The following C1orf226 variants were observed in gnomAD, a reference collection of about 807,000 sequenced individuals.
C1orf226 encodes the protein chromosome 1 open reading frame 226.
C1orf226 carries 4 observed loss-of-function variants against 10.5 expected under a neutral mutation model. The observed-to-expected ratio is 0.38, with a 90% CI of 0.19 to 0.87. The LOEUF is 0.87. C1orf226 is among the 40% of genes least tolerant of loss of function. The pLI is 0.41. For missense variants in C1orf226, 313 were observed against 336.2 expected (o/e 0.93, Z 0.54); for synonymous variants, 125 against 139.3 (o/e 0.90, Z 0.72).
rs750054712 is a variant in C1orf226 at position 162,381,868 on chromosome 1, C to T, written c.-34C>T. 6 of 1,608,632 alleles carry T rather than the reference C, an allele frequency of 3.7e-6. No individual in the cohort carries two copies. In the African/African-American group the frequency reaches 8.0e-5, roughly 22 times the overall value. On this transcript the variant is annotated 5_prime_UTR_variant, in exon 1 of 2. Transcript: ENST00000458626. ...CCGCTCCCCTTTCCTCATCATGCCTCTCTGTCGCCTCTTTGTTCATAGTTG... is the reference window on the plus strand; with the variant it reads ...CCGCTCCCCTTTCCTCATCATGCCTTTCTGTCGCCTCTTTGTTCATAGTTG...
In C1orf226 at chr1:162,382,114, C is replaced by T. The variant is rs1485838524; in HGVS notation, c.213C>T (p.Pro71=). 1.3e-6 allele frequency: 2 copies of T among 1,590,244 alleles called. No individual in the cohort carries two copies. The highest frequency in any genetic ancestry group is 1.3e-5 in the African/African-American group (1 of 74,420). ...ATGACTTCCTGAGGAGAAAGGAGCC[C>T]TCCAGCCTGGGCAGTGTGGGTGTGA... is the stretch of plus-strand genomic sequence containing the variant. ...KVNDFLRRKE[P]SSLGSVGVTE... Residue 71 remains proline (P), a synonymous_variant, in exon 1 of 2, where the codon CCC becomes CCT. Coordinates refer to ENST00000458626, the MANE Select transcript of C1orf226 (RefSeq NM_001085375.2).
intron 1 of C1orf226, among the ~76,000 whole-genome samples, chr1:162,382,898 G>C (rs1004696596): frequency 5.3e-5 from 8 of 152,194 alleles, no homozygotes; most frequent in African/African-American, 1.9e-4. Context: ...TACTGCCTGG[G>C]TTCTGATTTG....
Position 162,384,020 on chromosome 1 carries a change from T to C in C1orf226, c.*337T>C, listed in dbSNP as rs756206369. Reference sequence around the variant, plus strand: ...CTCAGTGAATTGCAGGGCCACCAGCTCAGGACAATGGATCTTACAGGAATT... The same window carrying C: ...CTCAGTGAATTGCAGGGCCACCAGCCCAGGACAATGGATCTTACAGGAATT... On this transcript the variant is annotated 3_prime_UTR_variant, in exon 2 of 2. Coordinates refer to ENST00000458626, the MANE Select transcript of C1orf226 (RefSeq NM_001085375.2). 1.0e-4 allele frequency: 30 copies of C among 296,342 alleles called. No individual in the cohort carries two copies. Among genetic ancestry groups the C allele is most frequent in the Middle Eastern group, 1.9e-3 (2 of 1,026 alleles). 18.4% of individuals were successfully genotyped at this position (296,342 alleles called of 1,614,324 possible). A position where few individuals can be genotyped will look rare whatever the true frequency, so the allele number is the denominator to read the frequency against.
At chr1:162,379,510 C>T (rs1029687532), upstream of C1orf226, among the ~76,000 whole-genome samples, 27 of 152,302 alleles carry the variant, frequency 1.8e-4, no homozygotes, top group African/African-American at 4.3e-4. Flanking sequence ...TGCCTACTAT[C>T]GTGCAAGACC....
At chr1:162,380,858 TA>T (rs1647882093), upstream of C1orf226, among the ~76,000 whole-genome samples, 1 of 152,180 alleles carries the variant, frequency 6.6e-6, no homozygotes, top group Non-Finnish European at 1.5e-5. Flanking sequence ...TCAAGATCTG[TA>T]TTGAGCACAG....
At chr1:162,381,659 G>A (rs367658637), upstream of C1orf226, 15 of 1,358,530 alleles carry the variant, frequency 1.1e-5, no homozygotes, top group African/African-American at 2.1e-4. Flanking sequence ...TTTATGGCTA[G>A]CATTAGTCAC....
At position 162,383,548 on chromosome 1, in the gene C1orf226, G is replaced by C. The variant is rs755844997; in HGVS notation, c.684G>C (p.Glu228Asp). The C allele has an allele frequency of 1.9e-6, 3 of 1,606,652 alleles. No homozygotes were observed. The highest frequency in any genetic ancestry group is 2.2e-5 in the South Asian group (2 of 89,520). ...GGGCCTCCTCCCCCAGCCTTATCGA[G>C]AGGAATGGCTTCAAACTCAGCTTGA... The part of the protein sequence containing the change: ...CRRASSPSLI[E>D]RNGFKLSLSP... Residue 228 changes from glutamate (E) to aspartate (D), a missense_variant, in exon 2 of 2, where the codon GAG becomes GAC. Coordinates refer to ENST00000458626, the MANE Select transcript of C1orf226 (RefSeq NM_001085375.2).
chr1:162,382,337 C>A, intron 1 of C1orf226, 119 bp downstream of exon 1: 3 of 1,303,338 alleles, frequency 2.3e-6, no homozygotes, highest in Non-Finnish European at 3.1e-6. Context: ...TGAGATTGTC[C>A]TGTACTGAAA....
chr1:162,382,784 T>A (rs1647961903), intron 1 of C1orf226, among the ~76,000 whole-genome samples: 2 of 152,312 alleles, frequency 1.3e-5, no homozygotes, highest in African/African-American at 4.8e-5. Flanking sequence ...GCAGCCCTCC[T>A]GTTCTTCCCC....
At position 162,383,666 on chromosome 1, in the gene C1orf226, C is replaced by T. The variant is rs756830186; in HGVS notation, c.802C>T (p.Leu268=). ...SLDNEGPHPD[L]LSFE is the part of the protein sequence containing the mutation. ...CGACAATGAGGGCCCTCACCCAGAC[C>T]TGCTGTCCTTTGAATAGAGCCTCTG... The change falls in exon 2 of 2, where the codon CTG becomes TTG. Residue 268 remains leucine, a synonymous_variant. Coordinates refer to ENST00000458626, the MANE Select transcript of C1orf226 (RefSeq NM_001085375.2). The T allele has an allele frequency of 1.4e-5, 23 of 1,605,162 alleles. 1 individual carries two copies. The South Asian group carries it at 2.6e-4, about 18-fold the overall frequency.
intron 1 of C1orf226, 97 bp from the exon 2 acceptor site, chr1:162,383,085 G>A (rs1647972831): frequency 1.6e-6 from 2 of 1,255,656 alleles, no homozygotes; most frequent in Admixed American, 2.3e-5. Context: ...GGTGGGGTGG[G>A]TTGAAAGTGC....
Position 162,381,778 on chromosome 1 carries a change from A to G in C1orf226, c.-124A>G. On this transcript the variant is annotated 5_prime_UTR_variant, in exon 1 of 2. Transcript: ENST00000458626. ...TGCTGGCTCTTTCTTGAATATTTCC[A>G]AAGCCTTGGAAGTTACAGGTTTTGG... The G allele has an allele frequency of 6.7e-7, 1 of 1,495,536 alleles. No homozygotes were observed. Among genetic ancestry groups the G allele is most frequent in the Non-Finnish European group, 8.9e-7 (1 of 1,127,634 alleles). The allele number at this position is 1,495,536 out of a possible 1,614,324, so 92.6% of individuals were successfully genotyped here.
chr1:162,380,517 G>C (rs1186605462), upstream of C1orf226, among the ~76,000 whole-genome samples: 1 of 152,244 alleles, frequency 6.6e-6, no homozygotes, highest in African/African-American at 2.4e-5. Context: ...GTTACTCTTA[G>C]AAGAGGCTCA....
Position 162,382,233 on chromosome 1 carries a change from C to G in C1orf226, c.317+15C>G. ...GAGGATGAAAGGTGAGCCCCTCACC[C>G]GCCCAACATCCATGCCCCTCTGTGG... On this transcript the variant is annotated intron_variant, in intron 1 of 1. Transcript: ENST00000458626. 6.4e-7 allele frequency: 1 copy of G among 1,550,794 alleles called. No homozygotes were observed. The highest frequency in any genetic ancestry group is 8.7e-7 in the Non-Finnish European group (1 of 1,150,252).
intron 1 of C1orf226, among the ~76,000 whole-genome samples, chr1:162,382,487 T>C (rs1647951206): frequency 6.6e-6 from 1 of 152,252 alleles, no homozygotes; most frequent in Admixed American, 6.5e-5. Flanking sequence ...AGCTCTGTGC[T>C]GCAGGCTATA....
Position 162,383,911 on chromosome 1 carries a change from G to C in C1orf226, c.*228G>C. On this transcript the variant is annotated 3_prime_UTR_variant, in exon 2 of 2. Coordinates refer to ENST00000458626, the MANE Select transcript of C1orf226 (RefSeq NM_001085375.2). Reference sequence around the variant, plus strand: ...TGGCTGAAGGACTTGATGCCGTTTTGAGCCTAATTTTCTGTAACCTCCTCT... The same window carrying C: ...TGGCTGAAGGACTTGATGCCGTTTTCAGCCTAATTTTCTGTAACCTCCTCT... The C allele has an allele frequency of 1.8e-6, 1 of 544,242 alleles. No homozygotes were observed. Among genetic ancestry groups the C allele is most frequent in the East Asian group, 3.0e-5 (1 of 33,514 alleles). 33.7% of individuals were successfully genotyped at this position (544,242 alleles called of 1,614,324 possible).
In C1orf226 at chr1:162,381,845, G is replaced by A. The variant is rs201582167; in HGVS notation, c.-57G>A. On this transcript the variant is annotated 5_prime_UTR_variant, in exon 1 of 2. Coordinates refer to ENST00000458626, the MANE Select transcript of C1orf226 (RefSeq NM_001085375.2). ...AACTGAATGATAGAGCACAGGTACC[G>A]CTCCCCTTTCCTCATCATGCCTCTC... 944 of 1,598,786 alleles carry A rather than the reference G, an allele frequency of 5.9e-4. 9 individuals carry two copies. The South Asian group carries it at 6.6e-3, about 11-fold the overall frequency.
chr1:162,385,258 C>T lies in C1orf226; in HGVS notation c.*1575C>T, dbSNP rs965862370. On this transcript the variant is annotated 3_prime_UTR_variant, in exon 2 of 2. Transcript: ENST00000458626. The stretch of plus-strand genomic sequence containing the variant: ...CCAGGGCTTGCTTCCCAGCTCTTCT[C>T]ATCTCCAAGCCTCTGCTCCCCTTCC... 2 of 152,342 alleles carry T rather than the reference C, an allele frequency of 1.3e-5. No individual in the cohort carries two copies. Among genetic ancestry groups the T allele is most frequent in the Non-Finnish European group, 2.9e-5 (2 of 68,122 alleles). 9.4% of individuals were successfully genotyped at this position (152,342 alleles called of 1,614,324 possible). A position where few individuals can be genotyped will look rare whatever the true frequency, so the allele number is the denominator to read the frequency against.
At position 162,381,840 on chromosome 1, in the gene C1orf226, G is replaced by T; in HGVS notation, c.-62G>T. 1 of 1,595,272 alleles carries T rather than the reference G, an allele frequency of 6.3e-7. No individual in the cohort carries two copies. The highest frequency in any genetic ancestry group is 8.5e-7 in the Non-Finnish European group (1 of 1,174,104). Reference sequence around the variant, plus strand: ...GGAAAAACTGAATGATAGAGCACAGGTACCGCTCCCCTTTCCTCATCATGC... The same window carrying T: ...GGAAAAACTGAATGATAGAGCACAGTTACCGCTCCCCTTTCCTCATCATGC... On this transcript the variant is annotated 5_prime_UTR_variant, in exon 1 of 2. Transcript: ENST00000458626.
Sources: gnomAD v4.1 joint callset for allele counts (sites outside exome capture counted in the v4.1 genomes callset) on GRCh38, gnomAD v4.1.1 for gene constraint, MANE v1.5 for transcripts, NCBI Gene and HGNC (gene_info 2026-07-23, HGNC 2026-07-21) for gene names.